RMND1: variants seen among roughly 807,000 people sequenced by gnomAD.
RMND1 encodes the protein required for meiotic nuclear division protein 1 homolog.
A neutral mutation model predicts 54.0 loss-of-function variants in RMND1; 41 were observed. The ratio of observed to expected loss-of-function variants is 0.76; its 90% CI spans 0.59 to 0.98. The LOEUF (loss-of-function observed/expected upper bound fraction) is 0.98. Ranked by LOEUF, RMND1 falls within the 50% of genes least tolerant of loss-of-function variation. The probability of loss-of-function intolerance (pLI) is 0.00; values close to 1 mark genes in which losing one functional copy is unlikely to be tolerated. For missense variants in RMND1, 457 were observed against 532.0 expected (o/e 0.86, Z 1.39); for synonymous variants, 183 against 181.7 (o/e 1.01, Z -0.06).
At chr6:151,409,858 G>A (rs1024591827) in intron 10 of RMND1, among the ~76,000 whole-genome samples, 1 of 152,108 alleles carries the variant, frequency 6.6e-6, no homozygotes, top group South Asian at 2.1e-4. Flanking sequence ...AGGACTTCAG[G>A]GGATACTGAC....
intron 2 of RMND1, among the ~76,000 whole-genome samples, chr6:151,441,163 T>A (rs866807578): frequency 2.0e-5 from 3 of 152,348 alleles, no homozygotes; most frequent in African/African-American, 7.2e-5. Flanking sequence ...ATGATTCTTG[T>A]TTTAGGAGCA....
chr6:151,410,327 T>C (rs959414477), intron 10 of RMND1, among the ~76,000 whole-genome samples: 2 of 152,176 alleles, frequency 1.3e-5, no homozygotes, highest in African/African-American at 2.4e-5. Flanking sequence ...AATGCTGGGA[T>C]TACAGGCATG....
chr6:151,412,665 TTC>T lies in RMND1; in HGVS notation c.1200+4612_1200+4613del, dbSNP rs1779883233. 2.0e-5 allele frequency among the ~76,000 whole-genome samples: 3 copies of T among 152,194 alleles called. No individual in the cohort carries two copies. The South Asian group carries it at 6.2e-4, about 32-fold the overall frequency. ...CTAATTGGCTCATGGTTCTGCACTG[TTC>T]TACAGGAAGCATGATGCTGGCATGT... On this transcript the variant is annotated intron_variant, in intron 10 of 11. Coordinates refer to ENST00000444024, the MANE Select transcript of RMND1 (RefSeq NM_017909.4).
At chr6:151,449,995 G>A (rs1003860132) in intron 1 of RMND1, among the ~76,000 whole-genome samples, 4 of 152,142 alleles carry the variant, frequency 2.6e-5, no homozygotes, top group African/African-American at 7.2e-5. Flanking sequence ...ATCGAGGCTC[G>A]CTACAACCTC....
intron 4 of RMND1, among the ~76,000 whole-genome samples, chr6:151,432,260 A>G (rs6936936): frequency 0.54 from 82,830 of 152,072 alleles, 25,167 homozygotes; most frequent in African/African-American, 0.82. Flanking sequence ...TATTTCTGCT[A>G]GACAGTGCTG....
At chr6:151,412,091 C>T (rs115104194) in intron 10 of RMND1, among the ~76,000 whole-genome samples, 1 of 152,102 alleles carries the variant, frequency 6.6e-6, no homozygotes, top group Non-Finnish European at 1.5e-5. Context: ...CCTCTGCCCC[C>T]CTTAGGTTCA....
chr6:151,433,069 T>G, intron 4 of RMND1, 86 bp downstream of exon 4: 1 of 719,800 alleles, frequency 1.4e-6, no homozygotes, highest in Non-Finnish European at 2.4e-6. Context: ...CATTTACTGT[T>G]AAGAAAGGTA....
At chr6:151,416,554 G>C (rs2114928594) in intron 10 of RMND1, 1 of 151,844 alleles carries the variant, frequency 6.6e-6, no homozygotes, top group Non-Finnish European at 1.5e-5. Flanking sequence ...CTCTCGAGTA[G>C]CTCGGACTAT....
At chr6:151,449,362 C>G (rs1272795182) in intron 1 of RMND1, among the ~76,000 whole-genome samples, 1 of 135,576 alleles carries the variant, frequency 7.4e-6, no homozygotes, top group Non-Finnish European at 1.6e-5. Flanking sequence ...GAGTGAGATT[C>G]TGTAACGAAA....
chr6:151,421,488 A>G (rs1345794878), intron 8 of RMND1, among the ~76,000 whole-genome samples, 167 bp from the exon 9 acceptor site: 1 of 152,112 alleles, frequency 6.6e-6, no homozygotes, highest in Non-Finnish European at 1.5e-5. Flanking sequence ...GAAATTTCAT[A>G]ATTTTATTAG....
intron 2 of RMND1, among the ~76,000 whole-genome samples, chr6:151,441,377 T>C (rs1780772974): frequency 6.6e-6 from 1 of 152,166 alleles, no homozygotes; most frequent in Non-Finnish European, 1.5e-5. Flanking sequence ...GTTGTAGTAT[T>C]TGCTCTTTGC....
rs879055017 is a variant in RMND1, at chr6:151,433,088, C to T, written c.689+67G>A. ...TACTGTTAAGAAAGGTATGCCTGCA[C>T]CTTTAAAGACCACAATTACTTGACC... On this transcript the variant is annotated intron_variant, in intron 4 of 11. Coordinates refer to ENST00000444024, the MANE Select transcript of RMND1 (RefSeq NM_017909.4). 66 of 927,716 alleles carry T rather than the reference C, an allele frequency of 7.1e-5. No homozygotes were observed. In the South Asian group the frequency reaches 8.4e-4, roughly 12 times the overall value. The allele number at this position is 927,716 out of a possible 1,614,324, so 57.5% of individuals were successfully genotyped here. A position where few individuals can be genotyped will look rare whatever the true frequency, so the allele number is the denominator to read the frequency against.
intron 2 of RMND1, among the ~76,000 whole-genome samples, chr6:151,443,115 A>G (rs62444265): frequency 0.15 from 23,003 of 152,102 alleles, 2,222 homozygotes; most frequent in South Asian, 0.24. Context: ...TTGATGGTAT[A>G]AAGTGGTATA....
intron 3 of RMND1, 148 bp from the exon 4 acceptor site, chr6:151,433,378 G>A: frequency 2.1e-6 from 1 of 480,968 alleles, no homozygotes; most frequent in South Asian, 4.2e-5. Context: ...TTTCTACTAA[G>A]GCCTCTGAAA....
chr6:151,408,050 G>A (rs939689837), intron 10 of RMND1, among the ~76,000 whole-genome samples: 5 of 152,120 alleles, frequency 3.3e-5, no homozygotes, highest in Admixed American at 1.3e-4. Flanking sequence ...ATGTGAATTA[G>A]GCTTTAAAAG....
rs2114929853 is a variant in RMND1 at position 151,417,362 on chromosome 6, G to T, written c.1117C>A (p.Pro373Thr). 7 of 1,612,122 alleles carry T rather than the reference G, an allele frequency of 4.3e-6. No individual in the cohort carries two copies. Among genetic ancestry groups the T allele is most frequent in the Non-Finnish European group, 5.9e-6 (7 of 1,179,028 alleles). The change falls in exon 10 of 12, where the codon CCT (proline) becomes ACT (threonine). Residue 373 changes from proline (P) to threonine (T), a missense_variant. Coordinates refer to ENST00000444024, the MANE Select transcript of RMND1 (RefSeq NM_017909.4). Reference protein sequence around the residue: ...INLSSDFLITPDFYWDRENLE... With the variant: ...INLSSDFLITTDFYWDRENLE... ...TTTTCTCTGTCCCAGTAGAAATCAG[G>T]AGTAATCAGGAAGTCTGAACTCAAG...
At chr6:151,410,766 T>TA (rs1779805701) in intron 10 of RMND1, among the ~76,000 whole-genome samples, 1 of 152,228 alleles carries the variant, frequency 6.6e-6, no homozygotes, top group South Asian at 2.1e-4. Context: ...ACAGAAGTTT[T>TA]AAAATTTCAT....
chr6:151,417,395 G>T lies in RMND1; in HGVS notation c.1084C>A (p.Arg362Ser). 1 of 1,578,246 alleles carries T rather than the reference G, an allele frequency of 6.3e-7. No homozygotes were observed. Among genetic ancestry groups the T allele is most frequent in the Non-Finnish European group, 8.6e-7 (1 of 1,165,210 alleles). The change falls in exon 10 of 12, where the codon CGT becomes AGT. Residue 362 changes from arginine to serine, a missense_variant. Arg to Ser is a moderately radical substitution (Grantham distance 110). Coordinates refer to ENST00000444024, the MANE Select transcript of RMND1 (RefSeq NM_017909.4). ...KIGELFALRH[R>S]INLSSDFLIT... ...AGGAAGTCTGAACTCAAGTTTATAC[G>T]GTGCCTTTAAAAAGGAAAATTATAA...
intron 2 of RMND1, among the ~76,000 whole-genome samples, chr6:151,443,445 GGGATTACAGGTGT>G (rs1007557055): frequency 2.6e-5 from 4 of 152,046 alleles, no homozygotes; most frequent in African/African-American, 9.7e-5. Flanking sequence ...CCGAGCCGCT[GGGATTACAGGTGT>G]GCACCACTAC....
Sources: allele counts gnomAD v4.1 joint callset (sites outside exome capture counted in the v4.1 genomes callset), GRCh38; gene constraint gnomAD v4.1.1; transcripts MANE v1.5; gene names NCBI Gene and HGNC (gene_info 2026-07-23, HGNC 2026-07-21).